PPP6R3: variants seen among roughly 807,000 people sequenced by gnomAD.
PPP6R3 encodes protein phosphatase 6 regulatory subunit 3.
PPP6R3 carries 38 observed loss-of-function variants against 110.7 expected under a neutral mutation model. That is an observed-to-expected ratio of 0.34 (90% CI 0.26 to 0.45). PPP6R3 has a LOEUF of 0.45. PPP6R3 is among the 20% of genes least tolerant of loss of function. The probability of loss-of-function intolerance (pLI) is 1.00; values close to 1 mark genes in which losing one functional copy is unlikely to be tolerated. For missense variants in PPP6R3, 870 were observed against 1,062.4 expected (o/e 0.82, Z 2.52); for synonymous variants, 369 against 373.5 (o/e 0.99, Z 0.14).
At chr11:68,590,955 C>G (rs928372510) in intron 17 of PPP6R3, among the ~76,000 whole-genome samples, 1 of 152,148 alleles carries the variant, frequency 6.6e-6, no homozygotes, top group African/African-American at 2.4e-5. Flanking sequence ...GCAGCGTAGA[C>G]ACTTGACTTC....
chr11:68,555,131 A>G (rs969327143), intron 7 of PPP6R3, among the ~76,000 whole-genome samples: 3 of 152,210 alleles, frequency 2.0e-5, no homozygotes, highest in African/African-American at 7.2e-5. Flanking sequence ...CCTAGCATGT[A>G]GAATACGAAG....
Position 68,600,320 on chromosome 11 carries a change from G to T in PPP6R3, c.2039-21G>T, listed in dbSNP as rs748791057. 2.8e-5 allele frequency: 45 copies of T among 1,609,032 alleles called. No homozygotes were observed. The South Asian group carries it at 4.7e-4, about 17-fold the overall frequency. ...AAACGACTGAAGTGTTTTCCAAATA[G>T]AATTTCTCCCCTCTTTTTAGCACCC... On this transcript the variant is annotated intron_variant, in intron 19 of 23. Transcript: ENST00000393800.
At chr11:68,477,248 G>A (rs528072523) in intron 1 of PPP6R3, among the ~76,000 whole-genome samples, 102 of 150,968 alleles carry the variant, frequency 6.8e-4, no homozygotes, top group African/African-American at 2.4e-3. Context: ...GTGGGGGATG[G>A]GGGTGGGTGT....
rs369054284 is a variant in PPP6R3 at position 68,538,661 on chromosome 11, C to T, written c.227+770C>T. On this transcript the variant is annotated intron_variant, in intron 3 of 23. Transcript: ENST00000393800. ...TTACCTTTCTTTTCAGACATCTTTT[C>T]CTTTCGTCTTGGGGAGAAATGTGCT... Among the ~76,000 whole-genome samples the T allele has an allele frequency of 2.0e-5, 3 of 152,210 alleles. No individual in the cohort carries two copies. The East Asian group carries it at 5.8e-4, about 29-fold the overall frequency.
chr11:68,545,079 A>C (rs1389334773), intron 4 of PPP6R3, 55 bp downstream of exon 4: 1 of 1,377,570 alleles, frequency 7.3e-7, no homozygotes, highest in Non-Finnish European at 1.0e-6. Flanking sequence ...CCTTGAGGTG[A>C]TCCCCCAGTA....
rs758174820 is a variant in PPP6R3 at position 68,614,745 on chromosome 11, G to A, written c.*1628G>A. 35 of 1,535,758 alleles carry A rather than the reference G, an allele frequency of 2.3e-5. No individual in the cohort carries two copies. The highest frequency in any genetic ancestry group is 1.7e-4 in the Middle Eastern group (1 of 5,892). On this transcript the variant is annotated 3_prime_UTR_variant, in exon 24 of 24. Transcript: ENST00000393800. ...CGCCTCCTCAGGAACCCCCTTTCCC[G>A]GGTGAGCCCCTCTCTGAAGAGACTG...
chr11:68,463,600 T>C (rs1424365297), intron 1 of PPP6R3, among the ~76,000 whole-genome samples: 2 of 152,134 alleles, frequency 1.3e-5, no homozygotes, highest in Admixed American at 6.5e-5. Flanking sequence ...ATAGTGAAAA[T>C]AAAGCTCTTC....
At chr11:68,552,353 T>C (rs1348566326) in intron 6 of PPP6R3, among the ~76,000 whole-genome samples, 3 of 152,192 alleles carry the variant, frequency 2.0e-5, no homozygotes, top group Non-Finnish European at 4.4e-5. Context: ...CTCACAGAAA[T>C]ACATTTTCTG....
At chr11:68,502,643 C>T (rs2099054494) in intron 1 of PPP6R3, among the ~76,000 whole-genome samples, 1 of 152,096 alleles carries the variant, frequency 6.6e-6, no homozygotes, top group Admixed American at 6.5e-5. Flanking sequence ...GCGGAACTGA[C>T]AATGTTTTGG....
In PPP6R3 at chr11:68,558,678, A is replaced by C; in HGVS notation, c.844A>C (p.Thr282Pro). The C allele has an allele frequency of 1.9e-6, 3 of 1,599,936 alleles. No homozygotes were observed. In the South Asian group the frequency reaches 3.4e-5, roughly 18 times the overall value. Reference protein sequence around the residue: ...LLTLLETRRPTFEGHIEICPP... With the variant: ...LLTLLETRRPPFEGHIEICPP... ...GACTTTACTTGAGACACGACGACCA[A>C]CGTAAGCTTTTCTTATATCTTACAA... is the stretch of plus-strand genomic sequence containing the variant. Residue 282 changes from threonine to proline, a missense_variant and splice_region_variant, in exon 8 of 24, where the codon ACA (threonine) becomes CCA (proline). Coordinates refer to ENST00000393800, the MANE Select transcript of PPP6R3 (RefSeq NM_001164161.2).
chr11:68,508,415 C>G (rs551510775), intron 1 of PPP6R3, among the ~76,000 whole-genome samples: 2 of 152,234 alleles, frequency 1.3e-5, no homozygotes, highest in East Asian at 3.9e-4. Context: ...CAGGCGTGAG[C>G]CACCGTGCCT....
At chr11:68,516,427 C>T (rs975432995) in intron 1 of PPP6R3, among the ~76,000 whole-genome samples, 1 of 152,144 alleles carries the variant, frequency 6.6e-6, no homozygotes, top group Non-Finnish European at 1.5e-5. Flanking sequence ...ATACTTTAAA[C>T]ACAACTGAAT....
intron 1 of PPP6R3, among the ~76,000 whole-genome samples, chr11:68,491,040 G>T (rs745875762): frequency 6.6e-6 from 1 of 152,070 alleles, no homozygotes; most frequent in Non-Finnish European, 1.5e-5. Context: ...ACAAAAATTA[G>T]CTGGGCGTGG....
chr11:68,520,691 T>A (rs1017764976), intron 2 of PPP6R3, among the ~76,000 whole-genome samples: 14 of 152,208 alleles, frequency 9.2e-5, no homozygotes, highest in Non-Finnish European at 1.6e-4. Flanking sequence ...ACCTCAATAT[T>A]CTTCCGGATG....
At chr11:68,501,485 C>T (rs1362549657) in intron 1 of PPP6R3, among the ~76,000 whole-genome samples, 3 of 152,296 alleles carry the variant, frequency 2.0e-5, no homozygotes, top group African/African-American at 7.2e-5. Flanking sequence ...CACCACCACA[C>T]CTGGCTGATT....
intron 3 of PPP6R3, among the ~76,000 whole-genome samples, chr11:68,542,708 G>A (rs1172871777): frequency 6.6e-6 from 1 of 152,150 alleles, no homozygotes; most frequent in Non-Finnish European, 1.5e-5. Context: ...GAAGCTTCTT[G>A]AATGTTAAGG....
At chr11:68,525,818 T>C (rs2099194196) in intron 2 of PPP6R3, among the ~76,000 whole-genome samples, 1 of 152,190 alleles carries the variant, frequency 6.6e-6, no homozygotes, top group Non-Finnish European at 1.5e-5. Context: ...TTGGGTACCT[T>C]GTCTGTAAGA....
intron 23 of PPP6R3, among the ~76,000 whole-genome samples, chr11:68,610,860 C>T (rs1203089611): frequency 6.7e-6 from 1 of 148,904 alleles, no homozygotes; most frequent in Non-Finnish European, 1.5e-5. Flanking sequence ...ACCCCATCCT[C>T]CCCCAAATCT....
intron 21 of PPP6R3, among the ~76,000 whole-genome samples, 199 bp downstream of exon 21, chr11:68,602,168 A>G (rs1297956100): frequency 2.0e-5 from 3 of 152,218 alleles, no homozygotes; most frequent in African/African-American, 7.2e-5. Context: ...AAGGGCTCTA[A>G]GTTACCAGGC....
Sources: allele counts gnomAD v4.1 joint callset (sites outside exome capture counted in the v4.1 genomes callset), GRCh38; gene constraint gnomAD v4.1.1; transcripts MANE v1.5; gene names NCBI Gene and HGNC (gene_info 2026-07-23, HGNC 2026-07-21).